The following WDPCP variants were observed in gnomAD, a reference collection of about 807,000 sequenced individuals.
WDPCP encodes the protein WD repeat-containing and planar cell polarity effector protein fritz homolog.
Under a neutral mutation model 93.1 loss-of-function variants are expected in WDPCP, and 71 were observed. The observed-to-expected ratio is 0.76, with a 90% CI of 0.63 to 0.93. WDPCP has a LOEUF of 0.93. Ranked by LOEUF, WDPCP falls within the 40% of genes least tolerant of loss-of-function variation. The pLI, the probability that WDPCP is intolerant of heterozygous loss-of-function variation, is 0.00. For synonymous variants in WDPCP, 315 were observed against 315.0 expected (o/e 1.00, Z 0.00); for missense variants, 844 against 887.4 (o/e 0.95, Z 0.62).
At chr2:63,287,769 CAG>C in intron 13 of WDPCP, among the ~76,000 whole-genome samples, 1 of 152,172 alleles carries the variant, frequency 6.6e-6, no homozygotes, top group Non-Finnish European at 1.5e-5. Flanking sequence ...TATCTTAAAA[CAG>C]AAGTACATTT....
rs551664981 is a variant in WDPCP at position 63,331,531 on chromosome 2, T to C, written c.1749-18220A>G. Among the ~76,000 whole-genome samples, 9 of 152,316 alleles carry C rather than the reference T, an allele frequency of 5.9e-5. No homozygotes were observed. The South Asian group carries it at 1.7e-3, about 28-fold the overall frequency. Reference sequence around the variant, plus strand: ...GTTTTAATCACCTATTGAGATATGATTCATTTATAATAAAATTCACCACTT... The same window carrying C: ...GTTTTAATCACCTATTGAGATATGACTCATTTATAATAAAATTCACCACTT... On this transcript the variant is annotated intron_variant, in intron 12 of 17. Coordinates refer to ENST00000272321, the MANE Select transcript of WDPCP (RefSeq NM_015910.7).
At chr2:63,746,617 C>T (rs1480200380) in intron 2 of WDPCP, among the ~76,000 whole-genome samples, 2 of 152,090 alleles carry the variant, frequency 1.3e-5, no homozygotes, top group Non-Finnish European at 2.9e-5. Context: ...CTAAAATGGC[C>T]ACCCTGGGAG....
intron 1 of WDPCP, among the ~76,000 whole-genome samples, chr2:63,553,158 A>C (rs537936442): frequency 9.2e-4 from 140 of 152,364 alleles, no homozygotes; most frequent in African/African-American, 3.3e-3. Flanking sequence ...ACTGATATAA[A>C]AATAAGCTTG....
chr2:63,704,405 TTGCC>T (rs1669114712), intron 2 of WDPCP, among the ~76,000 whole-genome samples: 1 of 152,212 alleles, frequency 6.6e-6, no homozygotes, highest in South Asian at 2.1e-4. Context: ...CTTCCAGTTT[TTGCC>T]CATTCAGTAT....
intron 12 of WDPCP, among the ~76,000 whole-genome samples, chr2:63,352,702 G>A (rs1338568988): frequency 6.6e-6 from 1 of 152,110 alleles, no homozygotes. Context: ...CAGTGGAAAG[G>A]CAGCTGTTGA....
intron 2 of WDPCP, among the ~76,000 whole-genome samples, chr2:63,745,811 G>A (rs1277599134): frequency 3.9e-5 from 6 of 152,102 alleles, no homozygotes; most frequent in Admixed American, 2.6e-4. Flanking sequence ...TAAAAACTGT[G>A]CCTCTTTTCT....
intron 12 of WDPCP, among the ~76,000 whole-genome samples, chr2:63,345,621 T>C (rs1415714117): frequency 6.6e-6 from 1 of 152,216 alleles, no homozygotes. Flanking sequence ...GAAGATCTAA[T>C]TGTTGATCAG....
chr2:63,768,390 T>C (rs776357291), intron 2 of WDPCP, among the ~76,000 whole-genome samples: 5 of 151,994 alleles, frequency 3.3e-5, no homozygotes, highest in Non-Finnish European at 7.4e-5. Flanking sequence ...CTCTGCATTT[T>C]TATGAGTTTT....
intron 3 of WDPCP, among the ~76,000 whole-genome samples, chr2:63,633,760 T>A (rs1169591216): frequency 2.6e-5 from 4 of 152,212 alleles, no homozygotes; most frequent in African/African-American, 9.6e-5. Context: ...AATTATTTTT[T>A]ATTTAAATGG....
chr2:63,506,056 T>G (rs1474184137), intron 1 of WDPCP, among the ~76,000 whole-genome samples: 5 of 152,176 alleles, frequency 3.3e-5, no homozygotes, highest in African/African-American at 1.2e-4. Flanking sequence ...ATATTCATTT[T>G]CAGAACCTGA....
chr2:63,249,766 T>C (rs895785040), intron 14 of WDPCP, among the ~76,000 whole-genome samples: 5 of 152,324 alleles, frequency 3.3e-5, no homozygotes, highest in African/African-American at 1.2e-4. Flanking sequence ...ATGGGGTATA[T>C]GTTCAAAGAC....
intron 2 of WDPCP, among the ~76,000 whole-genome samples, chr2:63,731,927 A>G (rs576723676): frequency 2.6e-5 from 4 of 152,354 alleles, no homozygotes; most frequent in African/African-American, 9.6e-5. Flanking sequence ...TCTTGAGCCA[A>G]TGATGATTTT....
chr2:63,823,556 AAG>A (rs763727120), intron 1 of WDPCP, among the ~76,000 whole-genome samples: 5 of 152,134 alleles, frequency 3.3e-5, no homozygotes, highest in Non-Finnish European at 7.4e-5. Context: ...TAAAAGATAG[AAG>A]ATAGTACAGT....
chr2:63,257,157 G>A (rs1301580963), intron 14 of WDPCP, among the ~76,000 whole-genome samples: 1 of 152,078 alleles, frequency 6.6e-6, no homozygotes, highest in Non-Finnish European at 1.5e-5. Context: ...TAACTATGGT[G>A]GCAGTATTTA....
chr2:63,450,336 C>A (rs925431287), intron 6 of WDPCP, among the ~76,000 whole-genome samples: 1 of 152,160 alleles, frequency 6.6e-6, no homozygotes, highest in Non-Finnish European at 1.5e-5. Context: ...TGCTACCTGT[C>A]TGGGGCTGTG....
chr2:63,330,580 G>A (rs767451699), intron 12 of WDPCP, among the ~76,000 whole-genome samples: 31 of 151,438 alleles, frequency 2.0e-4, no homozygotes, highest in Admixed American at 9.9e-4. Flanking sequence ...AAACTTTTTA[G>A]TTTCATGTAG....
intron 1 of WDPCP, among the ~76,000 whole-genome samples, chr2:63,507,991 A>C (rs1426439119): frequency 6.6e-6 from 1 of 152,236 alleles, no homozygotes. Flanking sequence ...GGAGAATGGG[A>C]GCAAGTTGGA....
chr2:63,726,730 G>C (rs1450017268), intron 2 of WDPCP, among the ~76,000 whole-genome samples: 2 of 152,054 alleles, frequency 1.3e-5, no homozygotes, highest in Non-Finnish European at 2.9e-5. Context: ...GCAGTGTTTT[G>C]TAATTCTCAT....
At chr2:63,162,095 A>C (rs1326330736) in intron 15 of WDPCP, among the ~76,000 whole-genome samples, 1 of 152,174 alleles carries the variant, frequency 6.6e-6, no homozygotes, top group Non-Finnish European at 1.5e-5. Context: ...CTTAGATGGA[A>C]CAAAGTCAGT....
Sources: gnomAD v4.1 joint callset for allele counts (sites outside exome capture counted in the v4.1 genomes callset) on GRCh38, gnomAD v4.1.1 for gene constraint, MANE v1.5 for transcripts, NCBI Gene and HGNC (gene_info 2026-07-23, HGNC 2026-07-21) for gene names.